NAALADL2: variants seen among roughly 807,000 people sequenced by gnomAD.
NAALADL2 encodes the protein inactive N-acetylated-alpha-linked acidic dipeptidase-like protein 2.
NAALADL2 carries 76 observed loss-of-function variants against 87.2 expected under a neutral mutation model. The ratio of observed to expected loss-of-function variants is 0.87; its 90% CI spans 0.72 to 1.05. NAALADL2 has a LOEUF of 1.05. NAALADL2 is among the 50% of genes least tolerant of loss of function. The pLI, the probability that NAALADL2 is intolerant of heterozygous loss-of-function variation, is 0.00. For synonymous variants in NAALADL2, 354 were observed against 331.0 expected, an observed-to-expected ratio of 1.07 and a Z score of -0.75; for missense variants, 1,089 against 945.8, an observed-to-expected ratio of 1.15 and a Z score of -1.99.
At chr3:174,976,975 T>C (rs1398128252) in intron 1 of NAALADL2, among the ~76,000 whole-genome samples, 1 of 152,192 alleles carries the variant, frequency 6.6e-6, no homozygotes, top group Non-Finnish European at 1.5e-5. Context: ...TTGGGGCAGC[T>C]AGCCAGAAAA....
intron 2 of NAALADL2, among the ~76,000 whole-genome samples, chr3:174,580,301 T>C (rs1210058077): frequency 6.6e-6 from 1 of 152,098 alleles, no homozygotes; most frequent in East Asian, 1.9e-4. Context: ...TAATTGCTGT[T>C]GCTCTCATAA....
intron 13 of NAALADL2, among the ~76,000 whole-genome samples, chr3:175,771,340 G>T (rs1035025072): frequency 6.6e-6 from 1 of 152,166 alleles, no homozygotes; most frequent in African/African-American, 2.4e-5. Flanking sequence ...GTAAATCAAA[G>T]GTTTTGTGAT....
In NAALADL2 at chr3:175,387,097, C is replaced by G. The variant is rs374383886; in HGVS notation, c.1091-60132C>G. Among the ~76,000 whole-genome samples the G allele has an allele frequency of 4.6e-5, 7 of 152,110 alleles. No individual in the cohort carries two copies. In the East Asian group the frequency reaches 1.4e-3, roughly 29 times the overall value. On this transcript the variant is annotated intron_variant, in intron 5 of 13. Transcript: ENST00000454872. The stretch of plus-strand genomic sequence containing the variant: ...TTTTTTTTACTACTTTTGCTTTGTA[C>G]TTCAAACTGCAAAAGTAACAGCCAC...
intron 1 of NAALADL2, among the ~76,000 whole-genome samples, chr3:174,549,397 A>G (rs1711829461): frequency 6.6e-6 from 1 of 152,184 alleles, no homozygotes; most frequent in African/African-American, 2.4e-5. Flanking sequence ...GCCTATGGCA[A>G]AGTTCTGTGC....
intron 2 of NAALADL2, among the ~76,000 whole-genome samples, chr3:175,201,091 A>C: frequency 6.6e-6 from 1 of 152,122 alleles, no homozygotes; most frequent in East Asian, 1.9e-4. Context: ...TTCTCTCTCT[A>C]ATAACACAAT....
intron 9 of NAALADL2, among the ~76,000 whole-genome samples, chr3:175,524,084 G>A (rs75580215): frequency 0.018 from 2,748 of 152,212 alleles, 85 homozygotes; most frequent in African/African-American, 0.063. Flanking sequence ...TGCTGTGAAT[G>A]GTGCATCCCA....
intron 2 of NAALADL2, among the ~76,000 whole-genome samples, chr3:174,622,324 C>G (rs1397608419): frequency 1.3e-5 from 2 of 152,138 alleles, no homozygotes; most frequent in African/African-American, 4.8e-5. Context: ...CACCTCTAAA[C>G]TAAGTATATC....
chr3:175,396,147 T>C (rs551402233), intron 5 of NAALADL2, among the ~76,000 whole-genome samples: 46 of 152,222 alleles, frequency 3.0e-4, no homozygotes, highest in African/African-American at 1.1e-3. Context: ...ATGACCGTCT[T>C]CCTAGGTAAC....
At chr3:175,174,836 G>GCACACA (rs748466711) in intron 2 of NAALADL2, among the ~76,000 whole-genome samples, 4,359 of 80,600 alleles carry the variant, frequency 0.054, 92 homozygotes, top group Middle Eastern at 0.11. Context: ...ACACACACAT[G>GCACACA]CACACAGACA....
At chr3:175,587,147 C>T (rs1188605606) in intron 10 of NAALADL2, among the ~76,000 whole-genome samples, 6 of 152,118 alleles carry the variant, frequency 3.9e-5, no homozygotes, top group Admixed American at 6.6e-5. Flanking sequence ...TAGCATTGAT[C>T]GTGGATCCCA....
chr3:175,216,173 C>T (rs1432248215), intron 2 of NAALADL2, among the ~76,000 whole-genome samples: 1 of 152,104 alleles, frequency 6.6e-6, no homozygotes, highest in African/African-American at 2.4e-5. Context: ...AGTATAAATG[C>T]ACACATAAGA....
intron 2 of NAALADL2, among the ~76,000 whole-genome samples, chr3:174,677,026 CT>C (rs1055711729): frequency 2.6e-5 from 4 of 151,822 alleles, no homozygotes; most frequent in Non-Finnish European, 4.4e-5. Context: ...GCTATCCATT[CT>C]TTTTTCTCAT....
At chr3:175,211,192 TAATTTA>T (rs1297755962) in intron 2 of NAALADL2, among the ~76,000 whole-genome samples, 2 of 151,900 alleles carry the variant, frequency 1.3e-5, no homozygotes, top group Non-Finnish European at 2.9e-5. Flanking sequence ...ATACACATTT[TAATTTA>T]ATCTATTGAA....
At chr3:174,888,643 G>T (rs770970874) in intron 1 of NAALADL2, among the ~76,000 whole-genome samples, 1 of 152,142 alleles carries the variant, frequency 6.6e-6, no homozygotes, top group Non-Finnish European at 1.5e-5. Flanking sequence ...ATCATTCGGG[G>T]CATTTATTTT....
chr3:175,472,737 CATT>C (rs564538584), intron 9 of NAALADL2, among the ~76,000 whole-genome samples: 37 of 152,134 alleles, frequency 2.4e-4, no homozygotes, highest in Non-Finnish European at 5.0e-4. Context: ...ATAAAGAAGA[CATT>C]ATGAAACATG....
At chr3:175,180,927 A>T (rs1736371573) in intron 2 of NAALADL2, among the ~76,000 whole-genome samples, 1 of 152,018 alleles carries the variant, frequency 6.6e-6, no homozygotes, top group Non-Finnish European at 1.5e-5. Context: ...TAGGTGATAG[A>T]CTGAGCTGAA....
intron 5 of NAALADL2, among the ~76,000 whole-genome samples, chr3:175,392,220 C>T (rs1240910154): frequency 1.3e-5 from 2 of 152,190 alleles, no homozygotes; most frequent in South Asian, 2.1e-4. Flanking sequence ...CTGAAACTTA[C>T]ATATTTAGCA....
intron 1 of NAALADL2, among the ~76,000 whole-genome samples, chr3:174,474,035 C>T (rs1717065121): frequency 6.6e-6 from 1 of 152,090 alleles, no homozygotes; most frequent in African/African-American, 2.4e-5. Flanking sequence ...TGTGAGAACT[C>T]ACTCTGATTC....
chr3:175,155,673 T>C (rs1732205864), intron 2 of NAALADL2, among the ~76,000 whole-genome samples: 1 of 152,190 alleles, frequency 6.6e-6, no homozygotes, highest in Non-Finnish European at 1.5e-5. Context: ...ATAAATAGTT[T>C]ATATTTCTGT....
Sources: allele counts gnomAD v4.1 joint callset (sites outside exome capture counted in the v4.1 genomes callset), GRCh38; gene constraint gnomAD v4.1.1; transcripts MANE v1.5; gene names NCBI Gene and HGNC (gene_info 2026-07-23, HGNC 2026-07-21).